Variants in CHD9 observed in about 807,000 individuals in gnomAD.
CHD9 encodes chromodomain helicase DNA binding protein 9.
CHD9 carries 77 observed loss-of-function variants against 316.1 expected under a neutral mutation model. That is an observed-to-expected ratio of 0.24 (90% CI 0.20 to 0.29). The LOEUF is 0.29. Ranked by LOEUF, CHD9 falls within the 10% of genes least tolerant of loss-of-function variation. The probability of loss-of-function intolerance (pLI) is 1.00; values close to 1 mark genes in which losing one functional copy is unlikely to be tolerated. For missense variants in CHD9, 2,763 were observed against 3,438.1 expected (o/e 0.80, Z 4.91); for synonymous variants, 1,129 against 1,158.3 (o/e 0.97, Z 0.51).
chr16:53,073,530 T>C (rs1458323159), intron 1 of CHD9, among the ~76,000 whole-genome samples: 1 of 152,216 alleles, frequency 6.6e-6, no homozygotes, highest in African/African-American at 2.4e-5. Context: ...TATGGTAATA[T>C]GGTTTGGCTC....
intron 2 of CHD9, among the ~76,000 whole-genome samples, chr16:53,170,623 GA>G (rs2042640339): frequency 6.8e-6 from 1 of 147,942 alleles, no homozygotes; most frequent in African/African-American, 2.5e-5. Flanking sequence ...GTGTGTGTTG[GA>G]AGCTTGTGGT....
intron 2 of CHD9, among the ~76,000 whole-genome samples, chr16:53,183,439 A>G (rs1728100664): frequency 6.6e-6 from 1 of 152,238 alleles, no homozygotes; most frequent in African/African-American, 2.4e-5. Context: ...GAGGATGGTT[A>G]TATCTGTAAC....
rs371379426 is a variant in CHD9 at position 53,306,384 on chromosome 16, C to T, written c.6767C>T (p.Ser2256Leu). 5.1e-6 allele frequency: 8 copies of T among 1,583,018 alleles called. No homozygotes were observed. In the African/African-American group the frequency reaches 6.9e-5, roughly 14 times the overall value. The stretch of plus-strand genomic sequence containing the variant: ...CAAGGTGGATATATGCTGGCAGCCT[C>T]GTATTGGCCAAAGGTAAAGAAATAA... The part of the protein sequence containing the change: ...ILQGGYMLAA[S>L]YWPKDRVMIN... The change falls in exon 32 of 39, where the codon TCG (serine) becomes TTG (leucine). Residue 2256 changes from serine (S) to leucine (L), a missense_variant. Physicochemically the swap from Ser to Leu is moderately radical, Grantham distance 145. Transcript: ENST00000447540.
At chr16:53,119,629 T>G (rs2038585159) in intron 1 of CHD9, among the ~76,000 whole-genome samples, 1 of 152,052 alleles carries the variant, frequency 6.6e-6, no homozygotes, top group African/African-American at 2.4e-5. Flanking sequence ...GATCAGGAGT[T>G]CAAGAGCAGC....
chr16:53,110,899 G>T (rs1361407116), intron 1 of CHD9, among the ~76,000 whole-genome samples: 1 of 152,224 alleles, frequency 6.6e-6, no homozygotes, highest in African/African-American at 2.4e-5. Flanking sequence ...TCTGGGTGCA[G>T]CATGGAACAT....
intron 2 of CHD9, among the ~76,000 whole-genome samples, chr16:53,194,213 G>A (rs919782494): frequency 2.0e-5 from 3 of 151,236 alleles, no homozygotes; most frequent in African/African-American, 4.9e-5. Context: ...GCAACAGAGC[G>A]AGACCCTGCC....
In CHD9 at chr16:53,145,245, G is replaced by A. The variant is rs1240808851; in HGVS notation, c.-164-10681G>A. 6.0e-5 allele frequency among the ~76,000 whole-genome samples: 9 copies of A among 151,084 alleles called. No individual in the cohort carries two copies. The South Asian group carries it at 6.3e-4, about 11-fold the overall frequency. Reference sequence around the variant, plus strand: ...CAGCTCACTGCAACCTCCGCCTCCCGGGTTCAAATGATTCTCCTGACTCAG... The same window carrying A: ...CAGCTCACTGCAACCTCCGCCTCCCAGGTTCAAATGATTCTCCTGACTCAG... On this transcript the variant is annotated intron_variant, in intron 1 of 38. Transcript: ENST00000447540.
chr16:53,201,396 T>C (rs2152848829), intron 2 of CHD9, among the ~76,000 whole-genome samples: 1 of 152,302 alleles, frequency 6.6e-6, no homozygotes, highest in East Asian at 1.9e-4. Flanking sequence ...CAAAACCACT[T>C]AGTACCCCTA....
chr16:53,100,453 C>CTTTTT (rs61450186), intron 1 of CHD9, among the ~76,000 whole-genome samples: 1 of 129,638 alleles, frequency 7.7e-6, no homozygotes, highest in Admixed American at 8.1e-5. Flanking sequence ...ACTCATTCGT[C>CTTTTT]TTTTTTTTTT....
chr16:53,056,051 G>T (rs1853074459), intron 1 of CHD9, among the ~76,000 whole-genome samples: 1 of 152,128 alleles, frequency 6.6e-6, no homozygotes, highest in South Asian at 2.1e-4. Context: ...GTAAAAATGA[G>T]CCCTTATGTT....
At chr16:53,150,941 T>C (rs938193712) in intron 1 of CHD9, among the ~76,000 whole-genome samples, 2 of 152,148 alleles carry the variant, frequency 1.3e-5, no homozygotes, top group African/African-American at 4.8e-5. Context: ...TGTGTTACGA[T>C]GTGATCTCTT....
intron 1 of CHD9, among the ~76,000 whole-genome samples, chr16:53,117,246 TA>T (rs987305640): frequency 1.7e-4 from 25 of 151,416 alleles, no homozygotes; most frequent in African/African-American, 5.8e-4. Context: ...TTAAAAAAAT[TA>T]AAAAAAAATT....
At chr16:53,109,691 T>TTTTTTTTTTC (rs2037691465) in intron 1 of CHD9, among the ~76,000 whole-genome samples, 1 of 125,478 alleles carries the variant, frequency 8.0e-6, no homozygotes, top group Non-Finnish European at 1.6e-5. Flanking sequence ...TTTTTTTTTT[T>TTTTTTTTTTC]TTTTTTTTTT....
intron 27 of CHD9, among the ~76,000 whole-genome samples, chr16:53,290,708 G>C (rs1048647422): frequency 3.3e-4 from 50 of 152,114 alleles, no homozygotes; most frequent in African/African-American, 1.2e-3. Context: ...AGCCCGAAAG[G>C]TTGAGGCTGC....
At chr16:53,174,494 T>C (rs2042974457) in intron 2 of CHD9, among the ~76,000 whole-genome samples, 1 of 152,230 alleles carries the variant, frequency 6.6e-6, no homozygotes, top group African/African-American at 2.4e-5. Flanking sequence ...TGGCTTTGCA[T>C]GTATTCTTTG....
intron 2 of CHD9, among the ~76,000 whole-genome samples, chr16:53,163,942 T>C (rs1177740787): frequency 6.6e-6 from 1 of 152,206 alleles, no homozygotes; most frequent in Non-Finnish European, 1.5e-5. Context: ...ATGATTTTTT[T>C]CCTTCAATCT....
At position 53,286,260 on chromosome 16, in the gene CHD9, A is replaced by C. The variant is rs1261008738; in HGVS notation, c.5106A>C (p.Pro1702=). The C allele has an allele frequency of 1.9e-6, 3 of 1,612,548 alleles. No individual in the cohort carries two copies. The highest frequency in any genetic ancestry group is 1.7e-6 in the Non-Finnish European group (2 of 1,178,632). The part of the protein sequence containing the change: ...YEKYNTIRAD[P]ALCFLERVGK... ...AATATAACACTATTCGAGCAGACCC[A>C]GCATTATGCTTCTTGGAAAGAGTGG... Residue 1702 remains proline, a synonymous_variant, in exon 26 of 39, where the codon CCA becomes CCC. Transcript: ENST00000447540.
At chr16:53,142,139 A>G (rs2040167870) in intron 1 of CHD9, among the ~76,000 whole-genome samples, 4 of 152,236 alleles carry the variant, frequency 2.6e-5, no homozygotes, top group Non-Finnish European at 2.9e-5. Context: ...ATTCAATACT[A>G]TTAGATATAA....
chr16:53,176,141 T>C (rs892190629), intron 2 of CHD9, among the ~76,000 whole-genome samples: 4 of 152,220 alleles, frequency 2.6e-5, no homozygotes, highest in African/African-American at 9.6e-5. Flanking sequence ...TGGACTAAAA[T>C]CAAGATGTCA....
Sources: allele counts gnomAD v4.1 joint callset (sites outside exome capture counted in the v4.1 genomes callset), GRCh38; gene constraint gnomAD v4.1.1; transcripts MANE v1.5; gene names NCBI Gene and HGNC (gene_info 2026-07-23, HGNC 2026-07-21).